Variants in PDE1C observed in about 807,000 individuals in gnomAD.
PDE1C encodes phosphodiesterase 1C.
Under a neutral mutation model 93.1 loss-of-function variants are expected in PDE1C, and 62 were observed. That is an observed-to-expected ratio of 0.67 (90% CI 0.54 to 0.82). PDE1C has a LOEUF of 0.82. Among genes scored for constraint, PDE1C ranks in the 40% least tolerant of loss-of-function variants. The pLI is 0.00. For missense variants in PDE1C, 742 were observed against 884.6 expected, an observed-to-expected ratio of 0.84 and a Z score of 2.04; for synonymous variants, 325 against 310.1, an observed-to-expected ratio of 1.05 and a Z score of -0.50.
At chr7:32,401,263 G>A (rs991931859) in intron 1 of PDE1C, among the ~76,000 whole-genome samples, 1 of 152,194 alleles carries the variant, frequency 6.6e-6, no homozygotes, top group African/African-American at 2.4e-5. Context: ...TGTAGGCCGG[G>A]TACAGTGGCT....
chr7:31,915,722 T>C (rs1801807363), intron 2 of PDE1C, among the ~76,000 whole-genome samples: 1 of 152,150 alleles, frequency 6.6e-6, no homozygotes, highest in East Asian at 1.9e-4. Flanking sequence ...GTCTGGTAGA[T>C]AACACATGCT....
At chr7:32,298,691 C>G (rs766329026) in exon 1 of PDE1C, 1 of 1,607,864 alleles carries the variant, frequency 6.2e-7, no homozygotes, top group African/African-American at 1.3e-5. Flanking sequence ...AAGTGGCGCT[C>G]CGGCATTTTT....
At chr7:32,260,722 T>A (rs943371332) in intron 1 of PDE1C, among the ~76,000 whole-genome samples, 7 of 152,250 alleles carry the variant, frequency 4.6e-5, no homozygotes, top group African/African-American at 1.7e-4. Context: ...GGAATTCAGT[T>A]CATGGTTTGA....
intron 2 of PDE1C, among the ~76,000 whole-genome samples, chr7:31,965,166 A>C (rs1809709914): frequency 6.6e-6 from 1 of 152,132 alleles, no homozygotes; most frequent in Non-Finnish European, 1.5e-5. Flanking sequence ...CTCCGAGCTA[A>C]AGGAGGAAGT....
At chr7:31,681,225 G>A in the PDE1C span, among the ~76,000 whole-genome samples, 1 of 150,350 alleles carries the variant, frequency 6.7e-6, no homozygotes, top group African/African-American at 2.5e-5. Flanking sequence ...GGCTGTACTT[G>A]GCCATCTTCC....
At chr7:32,233,602 T>A (rs938099910) in intron 1 of PDE1C, among the ~76,000 whole-genome samples, 1 of 152,060 alleles carries the variant, frequency 6.6e-6, no homozygotes, top group African/African-American at 2.4e-5. Context: ...GGACATTACA[T>A]AATAATAAAA....
the PDE1C span, among the ~76,000 whole-genome samples, chr7:31,702,073 C>A: frequency 6.6e-6 from 1 of 152,150 alleles, no homozygotes; most frequent in East Asian, 1.9e-4. Flanking sequence ...CAGATCTGAT[C>A]TATTTTCCAT....
intron 2 of PDE1C, among the ~76,000 whole-genome samples, chr7:32,028,053 TAGAGCAGGGCTGTCCAACAGCA>T (rs533959333): frequency 6.6e-6 from 1 of 152,262 alleles, no homozygotes; most frequent in African/African-American, 2.4e-5. Context: ...GATTGACAGC[TAGAGCAGGGCTGTCCAACAGCA>T]AGACACCCTG....
intron 1 of PDE1C, among the ~76,000 whole-genome samples, chr7:32,388,405 G>A (rs1397489630): frequency 6.6e-6 from 1 of 152,076 alleles, no homozygotes; most frequent in Middle Eastern, 3.2e-3. Context: ...ACATGAACAT[G>A]GAAGAACAAG....
chr7:31,719,961 G>C, the PDE1C span, among the ~76,000 whole-genome samples: 3 of 150,894 alleles, frequency 2.0e-5, no homozygotes, highest in Non-Finnish European at 2.9e-5. Context: ...AGGAGATCGA[G>C]ACCATCCTGG....
intron 1 of PDE1C, among the ~76,000 whole-genome samples, chr7:32,256,019 G>A (rs146624952): frequency 1.2e-4 from 18 of 152,344 alleles, no homozygotes; most frequent in East Asian, 1.2e-3. Context: ...TAAAAGTGGA[G>A]AAACCATTCA....
intron 2 of PDE1C, among the ~76,000 whole-genome samples, chr7:31,881,558 A>G (rs1476919530): frequency 2.0e-5 from 3 of 152,354 alleles, no homozygotes; most frequent in Admixed American, 6.5e-5. Flanking sequence ...CAATAAAATG[A>G]CTACAGATGA....
chr7:32,423,659 G>C (rs1431963859), intron 1 of PDE1C, among the ~76,000 whole-genome samples: 2 of 152,092 alleles, frequency 1.3e-5, no homozygotes, highest in African/African-American at 2.4e-5. Context: ...TATCTGAGAG[G>C]ACCCAGCTAG....
chr7:31,697,208 C>T, the PDE1C span: 7 of 1,487,886 alleles, frequency 4.7e-6, no homozygotes, highest in Non-Finnish European at 6.3e-6. Context: ...TGGCCGTTGT[C>T]CTGCCCCAGC....
intron 2 of PDE1C, among the ~76,000 whole-genome samples, chr7:31,990,418 G>A (rs1184160845): frequency 2.0e-5 from 3 of 152,090 alleles, no homozygotes; most frequent in African/African-American, 7.2e-5. Flanking sequence ...GTGGAACTGT[G>A]AGTCCATTAA....
At position 32,421,075 on chromosome 7, in the gene PDE1C, G is replaced by T. The variant is rs536297023; in HGVS notation, c.310+6747C>A. Among the ~76,000 whole-genome samples, 6 of 107,730 alleles carry T rather than the reference G, an allele frequency of 5.6e-5. No homozygotes were observed. The East Asian group carries it at 1.8e-3, about 32-fold the overall frequency. 70.7% of individuals were successfully genotyped at this position (107,730 alleles called of 152,430 possible). On this transcript the variant is annotated intron_variant, in intron 1 of 1. Transcript: ENST00000672256. ...GTCAGGGTTTTCACCCCTAGAAGGC[G>T]GATTAAAACTAACACACACACACAC...
intron 1 of PDE1C, among the ~76,000 whole-genome samples, chr7:32,254,960 A>G (rs1809675979): frequency 6.6e-6 from 1 of 152,192 alleles, no homozygotes; most frequent in Non-Finnish European, 1.5e-5. Flanking sequence ...GACTTGCAAA[A>G]AATCAAACAA....
chr7:31,960,489 G>A (rs1240822399), intron 2 of PDE1C, among the ~76,000 whole-genome samples: 3 of 152,184 alleles, frequency 2.0e-5, no homozygotes, highest in African/African-American at 4.8e-5. Context: ...AGGATACTGT[G>A]TATAAAGACA....
chr7:32,155,506 T>A (rs1801512782), intron 3 of PDE1C, among the ~76,000 whole-genome samples: 1 of 152,186 alleles, frequency 6.6e-6, no homozygotes. Flanking sequence ...AGGTCCCAGG[T>A]GGCAGAGTGG....
Sources: allele counts gnomAD v4.1 joint callset (sites outside exome capture counted in the v4.1 genomes callset), GRCh38; gene constraint gnomAD v4.1.1; transcripts MANE v1.5; gene names NCBI Gene and HGNC (gene_info 2026-07-23, HGNC 2026-07-21).